MAP4: variants seen among roughly 807,000 people sequenced by gnomAD.
MAP4 encodes the protein microtubule associated protein 4, also known as microtubule-associated protein 4.
MAP4 carries 76 observed loss-of-function variants against 170.2 expected under a neutral mutation model. That is an observed-to-expected ratio of 0.45 (90% CI 0.37 to 0.54). The LOEUF (loss-of-function observed/expected upper bound fraction) is 0.54, where lower values mean the gene tolerates loss of function less well. MAP4 is among the 20% of genes least tolerant of loss of function. MAP4 has a pLI of 0.00. For missense variants in MAP4, 2,506 were observed against 2,748.0 expected, an observed-to-expected ratio of 0.91 and a Z score of 1.97; for synonymous variants, 909 against 994.5, an observed-to-expected ratio of 0.91 and a Z score of 1.62.
Position 47,948,962 on chromosome 3 carries a change from C to A in MAP4, c.293-20612G>T, listed in dbSNP as rs189953128. 1.4e-3 allele frequency among the ~76,000 whole-genome samples: 218 copies of A among 152,244 alleles called. No individual in the cohort carries two copies. The Middle Eastern group carries it at 0.027, about 19-fold the overall frequency. Reference sequence around the variant, plus strand: ...CCAAATCAAATAAGGTGTCCTTTAACTCAGCCACTCAGAATTCTACATTAA... The same window carrying A: ...CCAAATCAAATAAGGTGTCCTTTAAATCAGCCACTCAGAATTCTACATTAA... On this transcript the variant is annotated intron_variant, in intron 3 of 20. Transcript: ENST00000683076.
At chr3:47,990,861 C>T (rs1156998132) in intron 2 of MAP4, among the ~76,000 whole-genome samples, 1 of 151,936 alleles carries the variant, frequency 6.6e-6, no homozygotes, top group African/African-American at 2.4e-5. Flanking sequence ...TTATTACAGC[C>T]GTGGTGCAAA....
intron 3 of MAP4, among the ~76,000 whole-genome samples, chr3:47,946,677 A>C (rs923755141): frequency 6.6e-5 from 10 of 151,018 alleles, no homozygotes; most frequent in Non-Finnish European, 1.2e-4. Flanking sequence ...AAAAAAAAAA[A>C]AAGAAGCAAC....
At chr3:47,952,599 C>T (rs543967757) in intron 3 of MAP4, among the ~76,000 whole-genome samples, 2 of 151,488 alleles carry the variant, frequency 1.3e-5, no homozygotes, top group South Asian at 4.2e-4. Flanking sequence ...CAACCCTGTG[C>T]TCTCTGAAAC....
rs114512600 is a variant in MAP4, at chr3:47,879,416, T to C, written c.5435-1893A>G. On this transcript the variant is annotated intron_variant, in intron 10 of 20. Transcript: ENST00000683076. ...GGATGGGACACAAAACTGGGGAGGT[T>C]AGGAGGCTTAAAACTTTGAGAAATA... is the stretch of plus-strand genomic sequence containing the variant. 4.0e-3 allele frequency among the ~76,000 whole-genome samples: 613 copies of C among 152,234 alleles called. 5 individuals are homozygous for C. Among genetic ancestry groups the C allele is most frequent in the African/African-American group, 0.014 (590 of 41,536 alleles).
chr3:47,869,281 G>C lies in MAP4; in HGVS notation c.6341C>G (p.Pro2114Arg), dbSNP rs778663266. The change falls in exon 16 of 21, where the codon CCT (proline) becomes CGT (arginine). Residue 2114 changes from proline (P) to arginine (R), a missense_variant. Coordinates refer to ENST00000683076, the MANE Select transcript of MAP4 (RefSeq NM_001385682.1). ...TGTTTTAGTGACTGCATTAGATTCA[G>C]GCTTTCGGGTTGTAGCAGCTGCCTC... ...KTEAAATTRK[P>R]ESNAVTKTAG... 24 of 1,614,066 alleles carry C rather than the reference G, an allele frequency of 1.5e-5. No individual in the cohort carries two copies. The highest frequency in any genetic ancestry group is 1.9e-5 in the Non-Finnish European group (23 of 1,180,022).
At chr3:48,014,584 A>G (rs888291325) in intron 1 of MAP4, among the ~76,000 whole-genome samples, 1 of 152,098 alleles carries the variant, frequency 6.6e-6, no homozygotes, top group Non-Finnish European at 1.5e-5. Flanking sequence ...GATTGAGCCC[A>G]GGAGGTTGAG....
intron 4 of MAP4, among the ~76,000 whole-genome samples, chr3:47,925,936 C>T (rs538062305): frequency 6.6e-5 from 10 of 152,294 alleles, no homozygotes; most frequent in African/African-American, 1.4e-4. Context: ...CTCACTGCAA[C>T]CTCTGCCTCC....
At chr3:48,013,840 G>A (rs574467721) in intron 1 of MAP4, among the ~76,000 whole-genome samples, 1 of 152,048 alleles carries the variant, frequency 6.6e-6, no homozygotes, top group African/African-American at 2.4e-5. Context: ...CATCAAAGGA[G>A]ACTCAACACC....
At chr3:48,055,131 G>A (rs372182441) in intron 1 of MAP4, among the ~76,000 whole-genome samples, 2 of 152,126 alleles carry the variant, frequency 1.3e-5, no homozygotes, top group South Asian at 2.1e-4. Flanking sequence ...GGGAACCTGG[G>A]CCTCCACCAT....
chr3:47,867,198 C>G lies in MAP4; in HGVS notation c.6501+48G>C, dbSNP rs930865803. On this transcript the variant is annotated intron_variant, in intron 17 of 20. Transcript: ENST00000683076. ...ACCTGGCTCTCTCCCTAGTATACCC[C>G]ACAGTGGGCTATATCTCAGATGCCA... is the stretch of plus-strand genomic sequence containing the variant. The G allele has an allele frequency of 6.0e-6, 8 of 1,337,570 alleles. No individual in the cohort carries two copies. In the South Asian group the frequency reaches 7.1e-5, roughly 12 times the overall value. The allele number at this position is 1,337,570 out of a possible 1,614,324, so 82.9% of individuals were successfully genotyped here.
intron 9 of MAP4, among the ~76,000 whole-genome samples, chr3:47,908,300 C>G (rs938578333): frequency 2.0e-5 from 3 of 151,878 alleles, no homozygotes; most frequent in African/African-American, 7.3e-5. Flanking sequence ...CTGAATAGAG[C>G]CAAAAAAGAG....
chr3:47,877,335 T>A, intron 11 of MAP4, 82 bp downstream of exon 11: 1 of 1,058,894 alleles, frequency 9.4e-7, no homozygotes, highest in Non-Finnish European at 1.5e-6. Context: ...AGAAATTTCA[T>A]TCGTGATTCA....
intron 3 of MAP4, chr3:47,974,777 A>T: frequency 3.2e-6 from 3 of 948,234 alleles, no homozygotes; most frequent in Non-Finnish European, 3.8e-6. Context: ...AAAAAAAAAA[A>T]TTTGGCCCAA....
chr3:48,044,380 C>G (rs1450199449), intron 1 of MAP4, among the ~76,000 whole-genome samples: 1 of 151,660 alleles, frequency 6.6e-6, no homozygotes, highest in Non-Finnish European at 1.5e-5. Context: ...TGGTCTCGAT[C>G]TCCTGACCTC....
chr3:47,877,714 C>G, intron 10 of MAP4, 191 bp from the exon 11 acceptor site: 1 of 471,484 alleles, frequency 2.1e-6, no homozygotes, highest in Non-Finnish European at 3.8e-6. Flanking sequence ...TTAGATTCCT[C>G]AGATTCAGAG....
intron 2 of MAP4, among the ~76,000 whole-genome samples, chr3:47,987,776 C>T (rs2100089692): frequency 6.6e-6 from 1 of 152,196 alleles, no homozygotes; most frequent in African/African-American, 2.4e-5. Context: ...TCCTTGGCAA[C>T]ATCAAGGCCT....
At position 47,910,931 on chromosome 3, in the gene MAP4, A is replaced by T. The variant is rs1051738611; in HGVS notation, c.3490T>A (p.Ser1164Thr). 8 of 1,535,928 alleles carry T rather than the reference A, an allele frequency of 5.2e-6. No individual in the cohort carries two copies. In the African/African-American group the frequency reaches 6.8e-5, roughly 13 times the overall value. The change falls in exon 9 of 21, where the codon TCA (serine) becomes ACA (threonine). Residue 1164 changes from serine to threonine, a missense_variant. Ser to Thr is a moderately conservative substitution (Grantham distance 58). Coordinates refer to ENST00000683076, the MANE Select transcript of MAP4 (RefSeq NM_001385682.1). ...ACACCAGAAGTCTGAGTCATGCCTGATCCACTTTCCAAAGGAATCAATGCC... is the reference window on the plus strand; with the variant it reads ...ACACCAGAAGTCTGAGTCATGCCTGTTCCACTTTCCAAAGGAATCAATGCC... ...MQALIPLESG[S>T]GMTQTSGVST...
At position 47,909,250 on chromosome 3, in the gene MAP4, G is replaced by C; in HGVS notation, c.5171C>G (p.Pro1724Arg). 2 of 1,613,814 alleles carry C rather than the reference G, an allele frequency of 1.2e-6. No individual in the cohort carries two copies. Among genetic ancestry groups the C allele is most frequent in the South Asian group, 1.1e-5 (1 of 91,062 alleles). Residue 1724 changes from proline (P) to arginine (R), a missense_variant, in exon 9 of 21, where the codon CCA (proline) becomes CGA (arginine). Coordinates refer to ENST00000683076, the MANE Select transcript of MAP4 (RefSeq NM_001385682.1). The part of the protein sequence containing the change: ...IMTASKGVRL[P>R]EPKDKILETP... ...CTCCAAAATCTTATCTTTGGGTTCTGGGAGTCGAACACCCTTGGAAGCAGT... is the reference window on the plus strand; with the variant it reads ...CTCCAAAATCTTATCTTTGGGTTCTCGGAGTCGAACACCCTTGGAAGCAGT...
chr3:48,037,236 C>A (rs2100119185), intron 1 of MAP4, among the ~76,000 whole-genome samples: 1 of 152,060 alleles, frequency 6.6e-6, no homozygotes, highest in Admixed American at 6.6e-5. Context: ...TGGATTGATC[C>A]TATATACTCA....
Sources: gnomAD v4.1 joint callset for allele counts (sites outside exome capture counted in the v4.1 genomes callset) on GRCh38, gnomAD v4.1.1 for gene constraint, MANE v1.5 for transcripts, NCBI Gene and HGNC (gene_info 2026-07-23, HGNC 2026-07-21) for gene names.